The following DDX6 variants were observed in gnomAD, a reference collection of about 807,000 sequenced individuals.
DDX6 encodes DEAD-box helicase 6.
Under a neutral mutation model 60.6 loss-of-function variants are expected in DDX6, and 7 were observed. That is an observed-to-expected ratio of 0.12 (90% CI 0.07 to 0.22). The LOEUF (loss-of-function observed/expected upper bound fraction) is 0.22, where lower values mean the gene tolerates loss of function less well. DDX6 is among the 10% of genes least tolerant of loss of function. The pLI is 1.00. For synonymous variants in DDX6, 207 were observed against 201.0 expected, an observed-to-expected ratio of 1.03 and a Z score of -0.25; for missense variants, 270 against 589.9, an observed-to-expected ratio of 0.46 and a Z score of 5.62.
rs1004846213 is a variant in DDX6 at position 118,749,081 on chromosome 11, G to A, written c.*3024C>T. The A allele has an allele frequency of 8.5e-5, 13 of 152,098 alleles. No individual in the cohort carries two copies. Among genetic ancestry groups the A allele is most frequent in the African/African-American group, 3.1e-4 (13 of 41,406 alleles). 9.4% of individuals were successfully genotyped at this position (152,098 alleles called of 1,614,324 possible). The stretch of plus-strand genomic sequence containing the variant: ...CCATTCCTATGGGAGAGGCAAAACA[G>A]TATTTATCCCCATCAGAATATATGG... On this transcript the variant is annotated 3_prime_UTR_variant, in exon 14 of 14. Transcript: ENST00000534980.
Position 118,758,780 on chromosome 11 carries a change from G to A in DDX6, c.987C>T (p.Phe329=). 2 of 1,613,614 alleles carry A rather than the reference G, an allele frequency of 1.2e-6. No homozygotes were observed. Among genetic ancestry groups the A allele is most frequent in the Non-Finnish European group, 1.7e-6 (2 of 1,179,718 alleles). Residue 329 remains phenylalanine (F), a synonymous_variant, in exon 9 of 14, where the codon TTC becomes TTT. Coordinates refer to ENST00000534980, the MANE Select transcript of DDX6 (RefSeq NM_004397.6). ...GCAGAAGCCTACTTCTTACCCTGGA[G>A]AAAAGTGTGTTGAGGCAGTGTACTT... The part of the protein sequence containing the change: ...RQKVHCLNTL[F]SRLQINQSII...
At position 118,755,506 on chromosome 11, in the gene DDX6, T is replaced by C. The variant is rs1860934233; in HGVS notation, c.1175-3A>G. 18 of 1,239,812 alleles carry C rather than the reference T, an allele frequency of 1.5e-5. No individual in the cohort carries two copies. The highest frequency in any genetic ancestry group is 2.1e-4 in the Middle Eastern group (1 of 4,872). The allele number at this position is 1,239,812 out of a possible 1,614,324, so 76.8% of individuals were successfully genotyped here. A position where few individuals can be genotyped will look rare whatever the true frequency, so the allele number is the denominator to read the frequency against. On this transcript the variant is annotated splice_region_variant and splice_polypyrimidine_tract_variant and intron_variant, in intron 11 of 13. Transcript: ENST00000534980. ...ATCAATACCTCGGGTAAACAGATCT[T>C]AAAAAAAAAAAGATAATTTTCATTT...
chr11:118,789,416 G>A (rs752639525), intron 1 of DDX6: 3 of 152,158 alleles, frequency 2.0e-5, no homozygotes, highest in Non-Finnish European at 2.9e-5. Flanking sequence ...ACTAGCTTAC[G>A]AGTGCTGATT....
Position 118,748,255 on chromosome 11 carries a change from G to C in DDX6, c.*3850C>G, listed in dbSNP as rs1156712925. 2 of 152,160 alleles carry C rather than the reference G, an allele frequency of 1.3e-5. No individual in the cohort carries two copies. Among genetic ancestry groups the C allele is most frequent in the Non-Finnish European group, 2.9e-5 (2 of 68,054 alleles). 9.4% of individuals were successfully genotyped at this position (152,160 alleles called of 1,614,324 possible). A position where few individuals can be genotyped will look rare whatever the true frequency, so the allele number is the denominator to read the frequency against. ...GGAATCTGTCAGCTGTGGATGGGCA[G>C]AGTCCAGGTGCCAGGCTAGCTCCCT... On this transcript the variant is annotated 3_prime_UTR_variant, in exon 14 of 14. Transcript: ENST00000534980.
chr11:118,761,407 G>A (rs531397626), intron 7 of DDX6, among the ~76,000 whole-genome samples: 5 of 152,096 alleles, frequency 3.3e-5, no homozygotes, highest in East Asian at 3.9e-4. Flanking sequence ...ACTTGAGGTC[G>A]GGAGTTTGAG....
Position 118,765,338 on chromosome 11 carries a change from T to C in DDX6, c.517A>G (p.Thr173Ala). ...CTGACCTGTAGAGCAAGTTCTCTAG[T>C]GGGAACAATCACCATTGCTGAAACA... ...DNIQAMVIVP[T>A]RELALQVSQI... is the part of the protein sequence containing the mutation. Residue 173 changes from threonine to alanine, a missense_variant, in exon 6 of 14, where the codon ACT (threonine) becomes GCT (alanine). By Grantham distance (58) the Thr-to-Ala change is moderately conservative. Coordinates refer to ENST00000534980, the MANE Select transcript of DDX6 (RefSeq NM_004397.6). 1 of 1,613,906 alleles carries C rather than the reference T, an allele frequency of 6.2e-7. No individual in the cohort carries two copies. The highest frequency in any genetic ancestry group is 8.5e-7 in the Non-Finnish European group (1 of 1,179,882).
At chr11:118,759,788 C>G (rs989780409) in intron 8 of DDX6, 134 bp downstream of exon 8, 3 of 948,598 alleles carry the variant, frequency 3.2e-6, no homozygotes, top group African/African-American at 1.7e-5. Context: ...TTTAATTGAT[C>G]AACTGAAGAA....
intron 13 of DDX6, among the ~76,000 whole-genome samples, chr11:118,753,474 G>GGACT (rs1860853029): frequency 6.6e-6 from 1 of 151,522 alleles, no homozygotes; most frequent in African/African-American, 2.4e-5. Context: ...CGAGTAGCTG[G>GGACT]GACTACAGGT....
intron 8 of DDX6, 131 bp downstream of exon 8, chr11:118,759,791 C>A: frequency 9.9e-7 from 1 of 1,014,332 alleles, no homozygotes; most frequent in Admixed American, 3.3e-5. Flanking sequence ...AATTGATCAA[C>A]TGAAGAAAGA....
intron 5 of DDX6, among the ~76,000 whole-genome samples, chr11:118,765,584 G>A (rs566774826): frequency 4.5e-4 from 68 of 152,160 alleles, no homozygotes; most frequent in African/African-American, 1.3e-3. Flanking sequence ...AGAGCAGCCT[G>A]ACCAACATGG....
At chr11:118,775,967 CCAAAAACAAAAA>C (rs541954503) in intron 4 of DDX6, among the ~76,000 whole-genome samples, 72 of 152,020 alleles carry the variant, frequency 4.7e-4, no homozygotes, top group Non-Finnish European at 8.8e-4. Flanking sequence ...CTTGACTCTA[CCAAAAACAAAAA>C]CAAAAACAAA....
At chr11:118,774,846 TAAAAC>T (rs1274868944) in intron 4 of DDX6, among the ~76,000 whole-genome samples, 2 of 151,936 alleles carry the variant, frequency 1.3e-5, no homozygotes, top group East Asian at 3.9e-4. Flanking sequence ...AATGCCTGGA[TAAAAC>T]TGTAAAACCA....
Position 118,754,762 on chromosome 11 carries a change from G to A in DDX6, c.1402C>T (p.Leu468=). 4 of 1,613,692 alleles carry A rather than the reference G, an allele frequency of 2.5e-6. No homozygotes were observed. Among genetic ancestry groups the A allele is most frequent in the Non-Finnish European group, 3.4e-6 (4 of 1,179,816 alleles). The change falls in exon 13 of 14, where the codon CTG becomes TTG. Residue 468 remains leucine, a synonymous_variant. Coordinates refer to ENST00000534980, the MANE Select transcript of DDX6 (RefSeq NM_004397.6). ...KPIPSNIDKS[L]YVAEYHSEPV... ...TCGCTGTGGTATTCTGCCACATACA[G>A]GCTCTTATCAATGTTGCTCGGAATA...
At chr11:118,763,668 T>C (rs1565566000) in intron 6 of DDX6, among the ~76,000 whole-genome samples, 1 of 151,788 alleles carries the variant, frequency 6.6e-6, no homozygotes, top group Non-Finnish European at 1.5e-5. Flanking sequence ...ACCCTGTCTC[T>C]ACTAAAAATA....
chr11:118,777,942 G>A (rs1299151197), intron 4 of DDX6, among the ~76,000 whole-genome samples: 2 of 138,140 alleles, frequency 1.4e-5, no homozygotes, highest in Non-Finnish European at 3.1e-5. Flanking sequence ...AAAAATGAAG[G>A]GGACACATCA....
Position 118,756,296 on chromosome 11 carries a change from A to T in DDX6, c.1138T>A (p.Phe380Ile). 6.2e-7 allele frequency: 1 copy of T among 1,613,662 alleles called. No individual in the cohort carries two copies. The highest frequency in any genetic ancestry group is 8.5e-7 in the Non-Finnish European group (1 of 1,179,702). The change falls in exon 11 of 14, where the codon TTC (phenylalanine) becomes ATC (isoleucine). Residue 380 changes from phenylalanine (F) to isoleucine (I), a missense_variant. Physicochemically the swap from Phe to Ile is conservative, Grantham distance 21. Transcript: ENST00000534980. ...AGATTGCGGCATAAGCCATTTCGGA[A>T]ATCATGAAATACACGATTTCGATGT... is the stretch of plus-strand genomic sequence containing the variant. Reference protein sequence around the residue: ...QEHRNRVFHDFRNGLCRNLVC... With the variant: ...QEHRNRVFHDIRNGLCRNLVC...
intron 7 of DDX6, among the ~76,000 whole-genome samples, chr11:118,760,810 G>A (rs964088477): frequency 8.4e-6 from 1 of 118,368 alleles, no homozygotes; most frequent in Non-Finnish European, 1.7e-5. Flanking sequence ...GACAGGGCGA[G>A]ACTACTCCGT....
At chr11:118,781,334 A>C (rs1861892855) in intron 2 of DDX6, 150 bp from the exon 3 acceptor site, 2 of 585,630 alleles carry the variant, frequency 3.4e-6, no homozygotes, top group Non-Finnish European at 6.0e-6. Context: ...ACAACTTTAG[A>C]AAAAGTGTTC....
intron 9 of DDX6, among the ~76,000 whole-genome samples, chr11:118,758,161 G>A (rs1329509796): frequency 2.0e-5 from 3 of 152,158 alleles, no homozygotes; most frequent in Middle Eastern, 3.2e-3. Context: ...GAACTACCTT[G>A]AGTATTAATT....
Sources: gnomAD v4.1 joint callset for allele counts (sites outside exome capture counted in the v4.1 genomes callset) on GRCh38, gnomAD v4.1.1 for gene constraint, MANE v1.5 for transcripts, NCBI Gene and HGNC (gene_info 2026-07-23, HGNC 2026-07-21) for gene names.